IGSF11: variants seen among roughly 807,000 people sequenced by gnomAD.
IGSF11 encodes the protein CXADR like 1.
IGSF11 carries 22 observed loss-of-function variants against 41.0 expected under a neutral mutation model. That is an observed-to-expected ratio of 0.54 (90% CI 0.38 to 0.77). The LOEUF is 0.77. IGSF11 is among the 30% of genes least tolerant of loss of function. The pLI, the probability that IGSF11 is intolerant of heterozygous loss-of-function variation, is 0.00. For missense variants in IGSF11, 444 were observed against 530.8 expected (o/e 0.84, Z 1.61); for synonymous variants, 219 against 201.3 (o/e 1.09, Z -0.74).
chr3:119,001,822 T>C (rs1576605195), intron 1 of IGSF11, among the ~76,000 whole-genome samples: 1 of 140,742 alleles, frequency 7.1e-6, no homozygotes, highest in South Asian at 2.3e-4. Flanking sequence ...TATGGCTGCA[T>C]AGTATTCCAT....
intron 1 of IGSF11, among the ~76,000 whole-genome samples, chr3:119,138,953 G>T (rs1307864672): frequency 6.6e-6 from 1 of 152,066 alleles, no homozygotes. Context: ...CCTAGTATTT[G>T]CTAGCACAAC....
Position 118,930,161 on chromosome 3 carries a change from T to C in IGSF11, c.167A>G (p.Asn56Ser), listed in dbSNP as rs148791706. ...FTTSAALINL[N>S]VIWMVTPLSN... ...GAGAGGAGTGACCATCCAAATGACA[T>C]TGAGGTTAATGAGGGCAGCGCTGGT... The change falls in exon 2 of 7, where the codon AAT (asparagine) becomes AGT (serine). Residue 56 changes from asparagine to serine, a missense_variant. By Grantham distance (46) the Asn-to-Ser change is conservative. Around this residue, in one of 3 missense-constraint regions of IGSF11, gnomAD observed 193 missense variants for 283.5 expected, o/e 0.68. Coordinates refer to ENST00000393775, the MANE Select transcript of IGSF11 (RefSeq NM_001015887.3). The C allele has an allele frequency of 3.0e-5, 48 of 1,613,802 alleles. No homozygotes were observed. In the African/African-American group the frequency reaches 4.1e-4, roughly 14 times the overall value.
intron 4 of IGSF11, among the ~76,000 whole-genome samples, chr3:118,909,510 A>G (rs1180257150): frequency 6.6e-6 from 1 of 152,244 alleles, no homozygotes; most frequent in Non-Finnish European, 1.5e-5. Context: ...ATCAAACTCT[A>G]TTAAAGATAA....
rs1018845018 is a variant in IGSF11, at chr3:119,116,985, C to T, written c.-13-11780G>A. On this transcript the variant is annotated intron_variant, in intron 1 of 7. Transcript: ENST00000425327. ...AGCACCTGGTACCTGGCCACCCCCA[C>T]CCCTTTTCCCAAACTGTCCTTGAAA... is the stretch of plus-strand genomic sequence containing the variant. Among the ~76,000 whole-genome samples the T allele has an allele frequency of 3.3e-5, 5 of 152,126 alleles. 1 individual carries two copies. The highest frequency in any genetic ancestry group is 3.9e-4 in the East Asian group (2 of 5,174).
intron 1 of IGSF11, among the ~76,000 whole-genome samples, chr3:119,079,261 AG>A (rs1230699897): frequency 6.6e-6 from 1 of 152,118 alleles, no homozygotes. Context: ...TGGGAGGCTG[AG>A]GCAGGAGAAT....
chr3:119,097,674 T>C (rs1239021115), intron 1 of IGSF11, among the ~76,000 whole-genome samples: 1 of 152,154 alleles, frequency 6.6e-6, no homozygotes, highest in Non-Finnish European at 1.5e-5. Context: ...CCTCAAACTG[T>C]TCAAGAATCC....
At chr3:119,029,989 G>T (rs527678074) in intron 1 of IGSF11, among the ~76,000 whole-genome samples, 10 of 152,242 alleles carry the variant, frequency 6.6e-5, no homozygotes, top group African/African-American at 1.9e-4. Context: ...ACCATTAGTG[G>T]CTGCTAACGT....
chr3:118,966,790 T>G (rs1317245903), intron 1 of IGSF11, among the ~76,000 whole-genome samples: 1 of 152,246 alleles, frequency 6.6e-6, no homozygotes, highest in African/African-American at 2.4e-5. Context: ...TTATTCTTTA[T>G]ATCTAGTTTA....
chr3:119,107,025 G>A (rs996858133), upstream of IGSF11, among the ~76,000 whole-genome samples: 3 of 152,140 alleles, frequency 2.0e-5, no homozygotes, highest in African/African-American at 7.2e-5. Context: ...CTTTGCTATT[G>A]TAAATAGTGC....
At chr3:119,061,018 A>C (rs2107453190) in intron 1 of IGSF11, among the ~76,000 whole-genome samples, 1 of 152,332 alleles carries the variant, frequency 6.6e-6, no homozygotes, top group South Asian at 2.1e-4. Context: ...ATAACCCATA[A>C]AAATTGGAAC....
At chr3:119,045,099 T>C (rs548820945) in intron 1 of IGSF11, among the ~76,000 whole-genome samples, 129 of 152,196 alleles carry the variant, frequency 8.5e-4, no homozygotes, top group African/African-American at 2.8e-3. Flanking sequence ...ACTTAAAAAA[T>C]AGAGAATGGC....
intron 1 of IGSF11, among the ~76,000 whole-genome samples, chr3:119,071,706 G>A (rs1336275304): frequency 6.6e-6 from 1 of 152,134 alleles, no homozygotes; most frequent in African/African-American, 2.4e-5. Context: ...CATCATGCCA[G>A]AGATACATTG....
intron 1 of IGSF11, among the ~76,000 whole-genome samples, chr3:119,056,540 G>A (rs1379681699): frequency 6.6e-6 from 1 of 152,102 alleles, no homozygotes; most frequent in East Asian, 1.9e-4. Flanking sequence ...TTCTACCAGA[G>A]GTACAAGGAG....
At chr3:119,072,428 G>A (rs1489746930) in intron 1 of IGSF11, among the ~76,000 whole-genome samples, 2 of 152,298 alleles carry the variant, frequency 1.3e-5, no homozygotes, top group East Asian at 1.9e-4. Flanking sequence ...TCCAGAATTG[G>A]TGGGTTCTTG....
intron 1 of IGSF11, among the ~76,000 whole-genome samples, chr3:119,082,098 TGA>T (rs1296036728): frequency 3.3e-5 from 5 of 152,208 alleles, no homozygotes; most frequent in Admixed American, 2.6e-4. Flanking sequence ...GCTCCAACCC[TGA>T]AATCTGACTA....
chr3:118,911,649 AAGAG>A (rs372954086), intron 4 of IGSF11, among the ~76,000 whole-genome samples: 4,117 of 151,182 alleles, frequency 0.027, 166 homozygotes, highest in African/African-American at 0.094. Flanking sequence ...AAAATGAGAG[AAGAG>A]AGAGAGAGAG....
At chr3:119,029,903 A>T (rs1940238819) in intron 1 of IGSF11, among the ~76,000 whole-genome samples, 1 of 152,230 alleles carries the variant, frequency 6.6e-6, no homozygotes, top group African/African-American at 2.4e-5. Context: ...CTCAGTGAAA[A>T]AATGGCATTG....
At chr3:119,089,807 C>T (rs1447186711) in intron 1 of IGSF11, among the ~76,000 whole-genome samples, 1 of 152,128 alleles carries the variant, frequency 6.6e-6, no homozygotes, top group East Asian at 1.9e-4. Flanking sequence ...GGCAGATCAG[C>T]TGAGATTGAG....
chr3:118,927,987 T>A (rs1942482090), intron 3 of IGSF11, among the ~76,000 whole-genome samples: 1 of 152,148 alleles, frequency 6.6e-6, no homozygotes, highest in African/African-American at 2.4e-5. Flanking sequence ...GTCTCAGTAT[T>A]AAGGTGATAA....
Sources: allele counts gnomAD v4.1 joint callset (sites outside exome capture counted in the v4.1 genomes callset), GRCh38; gene constraint gnomAD v4.1.1; regional missense constraint gnomAD v4.1.1; transcripts MANE v1.5; gene names NCBI Gene and HGNC (gene_info 2026-07-23, HGNC 2026-07-21).